The following AOAH variants were observed in gnomAD, a reference collection of about 807,000 sequenced individuals.
The protein encoded by AOAH is acyloxyacyl hydrolase, also known as acyloxyacyl hydrolase (neutrophil).
A neutral mutation model predicts 92.2 loss-of-function variants in AOAH; 64 were observed. The observed-to-expected ratio is 0.69, with a 90% confidence interval of 0.57 to 0.86. AOAH has a LOEUF of 0.86. AOAH is among the 40% of genes least tolerant of loss of function. The pLI, the probability that AOAH is intolerant of heterozygous loss-of-function variation, is 0.00. For missense variants in AOAH, 656 were observed against 694.6 expected (o/e 0.94, Z 0.62); for synonymous variants, 263 against 254.5 (o/e 1.03, Z -0.32).
chr7:36,657,314 G>A (rs1204251765), intron 4 of AOAH, among the ~76,000 whole-genome samples: 1 of 152,090 alleles, frequency 6.6e-6, no homozygotes, highest in African/African-American at 2.4e-5. Context: ...TGACTTTCAG[G>A]AAGTCACATA....
rs754758816 is a variant in AOAH at position 36,614,123 on chromosome 7, G to GGCT, written c.846+2254_846+2256dup. On this transcript the variant is annotated intron_variant, in intron 11 of 20. Coordinates refer to ENST00000617537, the MANE Select transcript of AOAH (RefSeq NM_001637.4). This position sits in a 1 kb window ranked among gnomAD's most constrained non-coding sequence, Gnocchi z 4.2. Reference sequence around the variant, plus strand: ...GGAAGAGGGAAGCACATCCATAGGTGGCTGTATGACAGGGCTTCCCCACCG... The same window carrying GGCT: ...GGAAGAGGGAAGCACATCCATAGGTGGCTGCTGTATGACAGGGCTTCCCCACCG... 7.9e-4 allele frequency among the ~76,000 whole-genome samples: 121 copies of GGCT among 152,314 alleles called. No homozygotes were observed. Among genetic ancestry groups the GGCT allele is most frequent in the Non-Finnish European group, 1.4e-3 (92 of 68,026 alleles).
chr7:36,659,173 A>G lies in AOAH; in HGVS notation c.383T>C (p.Leu128Pro), dbSNP rs753921146. The G allele has an allele frequency of 1.2e-6, 2 of 1,612,704 alleles. No individual in the cohort carries two copies. ...TGQPLCHLYP[L>P]PKETWKFTLQ... ...GAGTGATTACACACTCACCTTGGGA[A>G]GAGGGTAGAGATGACACAATGGTTG... The change falls in exon 4 of 21, where the codon CTT (leucine) becomes CCT (proline). Residue 128 changes from leucine to proline, a missense_variant. Transcript: ENST00000617537.
intron 13 of AOAH, among the ~76,000 whole-genome samples, chr7:36,573,538 T>G (rs144270382): frequency 0.035 from 5,311 of 152,150 alleles, 142 homozygotes; most frequent in Non-Finnish European, 0.05. Flanking sequence ...GCCAACATGG[T>G]GAAACCCTGT....
At chr7:36,702,197 A>G (rs1015791925) in intron 1 of AOAH, among the ~76,000 whole-genome samples, 2 of 152,202 alleles carry the variant, frequency 1.3e-5, no homozygotes, top group African/African-American at 4.8e-5. Flanking sequence ...GTTTGTGTGT[A>G]TGTGCATATA....
chr7:36,597,438 A>C (rs1179173101), intron 11 of AOAH, among the ~76,000 whole-genome samples: 1 of 152,222 alleles, frequency 6.6e-6, no homozygotes, highest in Non-Finnish European at 1.5e-5. Context: ...TAGGATGAGA[A>C]TATTCATTCT....
chr7:36,557,884 G>A (rs1486506080), intron 13 of AOAH, among the ~76,000 whole-genome samples: 34 of 151,536 alleles, frequency 2.2e-4, no homozygotes, highest in African/African-American at 6.1e-4. Context: ...TTATACATTC[G>A]TCTAAATTTT....
chr7:36,615,084 C>A (rs1225291525), intron 11 of AOAH, among the ~76,000 whole-genome samples: 1 of 152,162 alleles, frequency 6.6e-6, no homozygotes, highest in African/African-American at 2.4e-5. Flanking sequence ...ATTCCTCCTT[C>A]CAAACTTCCC....
At chr7:36,685,582 G>T (rs1027126642) in intron 2 of AOAH, among the ~76,000 whole-genome samples, 1 of 152,140 alleles carries the variant, frequency 6.6e-6, no homozygotes, top group Non-Finnish European at 1.5e-5. Flanking sequence ...CATTATTCAT[G>T]AATCCATACA....
chr7:36,655,878 T>C (rs1794852497), intron 4 of AOAH, among the ~76,000 whole-genome samples: 1 of 152,146 alleles, frequency 6.6e-6, no homozygotes, highest in African/African-American at 2.4e-5. Flanking sequence ...CACAGGAATA[T>C]ATCTTGTAAA....
chr7:36,515,935 C>G (rs932012955), intron 20 of AOAH, among the ~76,000 whole-genome samples: 2 of 147,802 alleles, frequency 1.4e-5, no homozygotes, highest in Non-Finnish European at 3.0e-5. Flanking sequence ...ACATCACACA[C>G]ACCCCCACAT....
intron 13 of AOAH, among the ~76,000 whole-genome samples, chr7:36,571,189 A>G (rs1275611260): frequency 6.6e-6 from 1 of 152,140 alleles, no homozygotes; most frequent in Non-Finnish European, 1.5e-5. Flanking sequence ...GGTCTCAAAG[A>G]GTGAAATATA....
At position 36,543,943 on chromosome 7, in the gene AOAH, C is replaced by CTTT. The variant is rs1407764591; in HGVS notation, c.1134-3455_1134-3453dup. On this transcript the variant is annotated intron_variant, in intron 15 of 20. Coordinates refer to ENST00000617537, the MANE Select transcript of AOAH (RefSeq NM_001637.4). ...TTTTCTTTTTCTTTTTTCTTTCTTT[C>CTTT]TTTCTTTTTTTTTTTTTTTTTTGAG... Among the ~76,000 whole-genome samples, 96 of 82,776 alleles carry CTTT rather than the reference C, an allele frequency of 1.2e-3. 1 individual carries two copies. Among genetic ancestry groups the CTTT allele is most frequent in the East Asian group, 2.7e-3 (8 of 2,992 alleles). The allele number at this position is 82,776 out of a possible 152,430, so 54.3% of individuals were successfully genotyped here.
intron 15 of AOAH, among the ~76,000 whole-genome samples, chr7:36,546,499 C>T (rs541300500): frequency 1.4e-4 from 22 of 152,220 alleles, no homozygotes; most frequent in Non-Finnish European, 2.6e-4. Context: ...CTTGCTGCTT[C>T]TCTACCCAGA....
At chr7:36,616,077 G>C (rs370669481) in intron 11 of AOAH, among the ~76,000 whole-genome samples, 1 of 152,186 alleles carries the variant, frequency 6.6e-6, no homozygotes, top group Non-Finnish European at 1.5e-5. Flanking sequence ...GCCTCATCCT[G>C]ACCTCCACGG....
At chr7:36,568,793 A>G (rs754828785) in intron 13 of AOAH, among the ~76,000 whole-genome samples, 1 of 152,022 alleles carries the variant, frequency 6.6e-6, no homozygotes, top group Non-Finnish European at 1.5e-5. Flanking sequence ...ATGAAATTGC[A>G]TATGCTGGCC....
At chr7:36,514,633 C>A (rs1158074598) in intron 20 of AOAH, 1 of 1,371,102 alleles carries the variant, frequency 7.3e-7, no homozygotes, top group Non-Finnish European at 1.0e-6. Context: ...CCTGGCCAGG[C>A]CTGCAGACTC....
chr7:36,659,184 A>C lies in AOAH; in HGVS notation c.372T>G (p.His124Gln), dbSNP rs576582231. The part of the protein sequence containing the change: ...CKQNTGQPLC[H>Q]LYPLPKETWK... The stretch of plus-strand genomic sequence containing the variant: ...CACTCACCTTGGGAAGAGGGTAGAG[A>C]TGACACAATGGTTGGCCAGTGTTCT... The change falls in exon 4 of 21, where the codon CAT becomes CAG. Residue 124 changes from histidine (H) to glutamine (Q), a missense_variant. Coordinates refer to ENST00000617537, the MANE Select transcript of AOAH (RefSeq NM_001637.4). 6.8e-6 allele frequency: 11 copies of C among 1,613,808 alleles called. No individual in the cohort carries two copies. In the African/African-American group the frequency reaches 1.2e-4, roughly 18 times the overall value.
In AOAH at chr7:36,514,486, G is replaced by C. The variant is rs749124951; in HGVS notation, c.1600-1106C>G. 2.6e-6 allele frequency: 4 copies of C among 1,535,454 alleles called. No homozygotes were observed. In the African/African-American group the frequency reaches 4.1e-5, roughly 16 times the overall value. On this transcript the variant is annotated intron_variant, in intron 20 of 20. Transcript: ENST00000617537. ...CTGAGGCTTACTCTCTGGTTCTGCT[G>C]TCGCATGTCAGGTTTCCCTTTATCC...
rs1453407041 is a variant in AOAH at position 36,576,674 on chromosome 7, G to A, written c.939-18C>T. On this transcript the variant is annotated intron_variant, in intron 12 of 20. Coordinates refer to ENST00000617537, the MANE Select transcript of AOAH (RefSeq NM_001637.4). ...CTTTAATTCTGAAACAAATATATAT[G>A]TATATATTTAAGGTCAGGATACTCA... 61 of 1,278,742 alleles carry A rather than the reference G, an allele frequency of 4.8e-5. No homozygotes were observed. The highest frequency in any genetic ancestry group is 6.6e-5 in the Non-Finnish European group (59 of 900,566). The allele number at this position is 1,278,742 out of a possible 1,614,324, so 79.2% of individuals were successfully genotyped here.
Sources: allele counts gnomAD v4.1 joint callset (sites outside exome capture counted in the v4.1 genomes callset), GRCh38; gene constraint gnomAD v4.1.1; non-coding constraint Gnocchi (gnomAD v3.1); transcripts MANE v1.5; gene names NCBI Gene and HGNC (gene_info 2026-07-23, HGNC 2026-07-21).